CCDC122: variants seen among roughly 807,000 people sequenced by gnomAD.
The protein encoded by CCDC122 is coiled-coil domain-containing protein 122.
In CCDC122, 38 loss-of-function variants were observed where a neutral mutation model predicts 37.0. The observed-to-expected ratio is 1.03, with a 90% CI of 0.79 to 1.35. CCDC122 has a LOEUF of 1.35. CCDC122 is among the 40% of genes most tolerant of loss of function. The probability of loss-of-function intolerance (pLI) is 0.00; values close to 1 mark genes in which losing one functional copy is unlikely to be tolerated. For synonymous variants in CCDC122, 83 were observed against 95.6 expected (o/e 0.87, Z 0.77); for missense variants, 305 against 310.0 (o/e 0.98, Z 0.12).
chr13:43,873,781 C>G (rs1236194242), intron 2 of CCDC122, among the ~76,000 whole-genome samples: 2 of 152,162 alleles, frequency 1.3e-5, no homozygotes, highest in Non-Finnish European at 2.9e-5. Context: ...TCCCTGATAA[C>G]TCTCTTTCAC....
intron 6 of CCDC122, among the ~76,000 whole-genome samples, chr13:43,851,864 G>A (rs775538993): frequency 5.3e-5 from 8 of 151,958 alleles, no homozygotes; most frequent in Non-Finnish European, 1.2e-4. Flanking sequence ...CAGAGCGTTG[G>A]CCCTTAAAAT....
At chr13:43,876,112 T>C (rs571359355) in intron 1 of CCDC122, among the ~76,000 whole-genome samples, 1 of 152,156 alleles carries the variant, frequency 6.6e-6, no homozygotes, top group Non-Finnish European at 1.5e-5. Flanking sequence ...CACCAAAATG[T>C]GCAAGGTGCT....
In CCDC122 at chr13:43,836,669, T is replaced by C. The variant is rs1953170331; in HGVS notation, c.*611A>G. The C allele has an allele frequency of 6.6e-6, 1 of 150,622 alleles. No homozygotes were observed. The highest frequency in any genetic ancestry group is 2.1e-4 in the South Asian group (1 of 4,744). The allele number at this position is 150,622 out of a possible 1,614,324, so 9.3% of individuals were successfully genotyped here. ...ATCGAGACCATCCTGGCTAACAAGG[T>C]GAAACCCCGTCTCTACTAAAAATAC... is the stretch of plus-strand genomic sequence containing the variant. On this transcript the variant is annotated 3_prime_UTR_variant, in exon 7 of 7. Coordinates refer to ENST00000444614, the MANE Select transcript of CCDC122 (RefSeq NM_144974.5).
intron 3 of CCDC122, among the ~76,000 whole-genome samples, chr13:43,824,906 G>A (rs1239044156): frequency 6.6e-6 from 1 of 152,164 alleles, no homozygotes; most frequent in African/African-American, 2.4e-5. Context: ...AACAGATGCT[G>A]GTGAGGCTGC....
intron 2 of CCDC122, among the ~76,000 whole-genome samples, chr13:43,873,775 T>G (rs1469998808): frequency 1.3e-5 from 2 of 152,198 alleles, no homozygotes; most frequent in Admixed American, 6.5e-5. Flanking sequence ...AAGCCTTCCC[T>G]GATAACTCTC....
Position 43,836,533 on chromosome 13 carries a change from T to C in CCDC122, c.*747A>G, listed in dbSNP as rs9533646. 0.51 allele frequency: 76,911 copies of C among 152,038 alleles called. 20,729 individuals are homozygous for C. The highest frequency in any genetic ancestry group is 0.62 in the Non-Finnish European group (42,322 of 67,974). The allele number at this position is 152,038 out of a possible 1,614,324, so 9.4% of individuals were successfully genotyped here. A position where few individuals can be genotyped will look rare whatever the true frequency, so the allele number is the denominator to read the frequency against. ...ATTTATGGGCTACTGTGAAGGCAGC[T>C]GTAAAAAAACAAGTTCCAATAAAAA... On this transcript the variant is annotated 3_prime_UTR_variant, in exon 7 of 7. Coordinates refer to ENST00000444614, the MANE Select transcript of CCDC122 (RefSeq NM_144974.5).
chr13:43,830,305 A>G lies in CCDC122; in HGVS notation n.602-6294T>C, dbSNP rs983305612. On this transcript the variant is annotated intron_variant and non_coding_transcript_variant, in intron 3 of 3. Coordinates refer to the CCDC122 transcript ENST00000470137. Reference sequence around the variant, plus strand: ...CTTGGGTAAGGGAGGAGGGAGGAACAGGGAGTGGAATAGTCATCTCTTGAA... The same window carrying G: ...CTTGGGTAAGGGAGGAGGGAGGAACGGGGAGTGGAATAGTCATCTCTTGAA... Among the ~76,000 whole-genome samples, 4 of 152,334 alleles carry G rather than the reference A, an allele frequency of 2.6e-5. No individual in the cohort carries two copies. The East Asian group carries it at 5.8e-4, about 22-fold the overall frequency.
chr13:43,854,701 T>G (rs1167799943), intron 6 of CCDC122: 1 of 152,154 alleles, frequency 6.6e-6, no homozygotes, highest in Non-Finnish European at 1.5e-5. Flanking sequence ...ATATCCTTGA[T>G]GAACATCGAT....
At chr13:43,869,735 T>C (rs922237934) in intron 2 of CCDC122, among the ~76,000 whole-genome samples, 16 of 152,222 alleles carry the variant, frequency 1.1e-4, no homozygotes, top group Admixed American at 2.0e-4. Context: ...ATATGTAGCA[T>C]GCATAGAACA....
intron 6 of CCDC122, chr13:43,858,060 A>G (rs1239152430): frequency 6.6e-6 from 1 of 152,170 alleles, no homozygotes; most frequent in Non-Finnish European, 1.5e-5. Flanking sequence ...TAAAATCGTG[A>G]TATTTTTTAA....
At chr13:43,822,055 T>G (rs1257133441), downstream of CCDC122, among the ~76,000 whole-genome samples, 1 of 152,196 alleles carries the variant, frequency 6.6e-6, no homozygotes, top group Admixed American at 6.5e-5. Context: ...TCGTAGATGT[T>G]CGTCAGTGTC....
chr13:43,861,786 C>A (rs1405215888), intron 4 of CCDC122, among the ~76,000 whole-genome samples: 1 of 152,152 alleles, frequency 6.6e-6, no homozygotes, highest in Non-Finnish European at 1.5e-5. Context: ...GACATCTCAA[C>A]TATACATATT....
chr13:43,825,211 C>T (rs368223111), intron 3 of CCDC122, among the ~76,000 whole-genome samples: 10 of 152,284 alleles, frequency 6.6e-5, no homozygotes, highest in South Asian at 2.1e-4. Flanking sequence ...CCATGGAATA[C>T]TATGCATCCA....
At chr13:43,840,818 A>G (rs917635925) in intron 6 of CCDC122, among the ~76,000 whole-genome samples, 1 of 150,992 alleles carries the variant, frequency 6.6e-6, no homozygotes, top group African/African-American at 2.5e-5. Context: ...AGTCTTTGCT[A>G]TTGTGAATAG....
intron 3 of CCDC122, 86 bp from the exon 4 acceptor site, chr13:43,868,889 T>C (rs2153878642): frequency 3.2e-6 from 2 of 620,752 alleles, no homozygotes; most frequent in East Asian, 6.7e-5. Context: ...CTCAAAATCA[T>C]GAAATATTTG....
intron 6 of CCDC122, among the ~76,000 whole-genome samples, chr13:43,851,377 T>C (rs1232685367): frequency 6.6e-6 from 1 of 152,198 alleles, no homozygotes; most frequent in African/African-American, 2.4e-5. Context: ...GTTGCACATA[T>C]ATGACTATAT....
intron 6 of CCDC122, among the ~76,000 whole-genome samples, chr13:43,856,807 T>C (rs1452579918): frequency 6.6e-6 from 1 of 152,158 alleles, no homozygotes; most frequent in Non-Finnish European, 1.5e-5. Context: ...AAGAGAACTT[T>C]CTGGACATGC....
At chr13:43,841,403 A>G (rs956101928) in intron 6 of CCDC122, among the ~76,000 whole-genome samples, 1 of 152,156 alleles carries the variant, frequency 6.6e-6, no homozygotes, top group Non-Finnish European at 1.5e-5. Flanking sequence ...AACATTTGGT[A>G]TTAATATTCA....
chr13:43,841,224 A>AT (rs765865763), intron 6 of CCDC122, among the ~76,000 whole-genome samples: 2 of 152,090 alleles, frequency 1.3e-5, no homozygotes, highest in Admixed American at 6.5e-5. Flanking sequence ...TTTAAGGCAT[A>AT]TTTTTTTCAT....
Sources: gnomAD v4.1 joint callset for allele counts (sites outside exome capture counted in the v4.1 genomes callset) on GRCh38, gnomAD v4.1.1 for gene constraint, MANE v1.5 for transcripts, NCBI Gene and HGNC (gene_info 2026-07-23, HGNC 2026-07-21) for gene names.